Variants in HPS6 observed in about 807,000 individuals in gnomAD.
The protein encoded by HPS6 is BLOC-2 complex member HPS6.
HPS6 carries 46 observed loss-of-function variants against 53.6 expected under a neutral mutation model. The ratio of observed to expected loss-of-function variants is 0.86; its 90% CI spans 0.68 to 1.10. HPS6 has a LOEUF of 1.10. Among genes scored for constraint, HPS6 ranks in the 50% least tolerant of loss-of-function variants. The pLI is 0.00. For synonymous variants in HPS6, 535 were observed against 470.8 expected, an observed-to-expected ratio of 1.14 and a Z score of -1.77; for missense variants, 1,034 against 991.3, an observed-to-expected ratio of 1.04 and a Z score of -0.58.
Position 102,065,905 on chromosome 10 carries a change from G to T in HPS6, c.431G>T (p.Arg144Leu), listed in dbSNP as rs751248778. Residue 144 changes from arginine to leucine, a missense_variant, in exon 1 of 1, where the codon CGG (arginine) becomes CTG (leucine). By Grantham distance (102) the Arg-to-Leu change is moderately radical (BLOSUM62 -2). Transcript: ENST00000299238. ...LRGRLVWCEE[R>L]QARAEGPSGS... Reference sequence around the variant, plus strand: ...GGCCGCCTGGTGTGGTGCGAGGAGCGGCAGGCCCGGGCCGAGGGCCCGTCA... The same window carrying T: ...GGCCGCCTGGTGTGGTGCGAGGAGCTGCAGGCCCGGGCCGAGGGCCCGTCA... The T allele has an allele frequency of 1.9e-6, 3 of 1,541,752 alleles. No homozygotes were observed. The highest frequency in any genetic ancestry group is 2.4e-5 in the South Asian group (2 of 85,022).
Position 102,066,307 on chromosome 10 carries a change from A to G in HPS6, c.833A>G (p.Gln278Arg). 6.2e-7 allele frequency: 1 copy of G among 1,613,956 alleles called. No homozygotes were observed. ...GTACACACCTGGGCCCCAACTCCCCAGGGCCTGCTGTTGCTTGACTTCGGG... is the reference window on the plus strand; with the variant it reads ...GTACACACCTGGGCCCCAACTCCCCGGGGCCTGCTGTTGCTTGACTTCGGG... ...LAVHTWAPTP[Q>R]GLLLLDFGGT... is the part of the protein sequence containing the mutation. The change falls in exon 1 of 1, where the codon CAG becomes CGG. Residue 278 changes from glutamine to arginine, a missense_variant. Gln to Arg is a conservative substitution (Grantham distance 43). Transcript: ENST00000299238.
At position 102,065,624 on chromosome 10, in the gene HPS6, G is replaced by A. The variant is rs727503091; in HGVS notation, c.150G>A (p.Gly50=). 1.0e-5 allele frequency: 16 copies of A among 1,553,728 alleles called. No individual in the cohort carries two copies. The Middle Eastern group carries it at 1.7e-3, about 168-fold the overall frequency. ...GRHLLLLRPP[G]AVAPQLLVAS... ...ACTTGCTGCTCCTGCGACCCCCTGG[G>A]GCGGTAGCCCCACAGCTGCTAGTCG... Residue 50 remains glycine (G), a synonymous_variant, in exon 1 of 1, where the codon GGG becomes GGA. Transcript: ENST00000299238.
In HPS6 at chr10:102,065,546, G is replaced by C; in HGVS notation, c.72G>C (p.Glu24Asp). 1 of 1,549,948 alleles carries C rather than the reference G, an allele frequency of 6.5e-7. No individual in the cohort carries two copies. The highest frequency in any genetic ancestry group is 8.6e-7 in the Non-Finnish European group (1 of 1,159,664). Residue 24 changes from glutamate to aspartate, a missense_variant, in exon 1 of 1, where the codon GAG (glutamate) becomes GAC (aspartate). Transcript: ENST00000299238. The part of the protein sequence containing the change: ...SAFGGAARLR[E>D]LVAGDSAVRV... ...TCGGCGGCGCGGCGCGGCTCCGGGA[G>C]CTGGTGGCCGGGGACTCAGCGGTCC...
At position 102,066,527 on chromosome 10, in the gene HPS6, C is replaced by G; in HGVS notation, c.1053C>G (p.Asp351Glu). The G allele has an allele frequency of 6.2e-7, 1 of 1,614,188 alleles. No homozygotes were observed. Among genetic ancestry groups the G allele is most frequent in the Non-Finnish European group, 8.5e-7 (1 of 1,180,040 alleles). The change falls in exon 1 of 1, where the codon GAC becomes GAG. Residue 351 changes from aspartate (D) to glutamate (E), a missense_variant. Asp to Glu is a conservative substitution (Grantham distance 45, BLOSUM62 2). Coordinates refer to ENST00000299238, the MANE Select transcript of HPS6 (RefSeq NM_024747.6). Reference sequence around the variant, plus strand: ...TGGAGAGGAAGGTCCTAAGTACAGACAGGGTACATCTGCTAGAACCGCCAG... The same window carrying G: ...TGGAGAGGAAGGTCCTAAGTACAGAGAGGGTACATCTGCTAGAACCGCCAG... Reference protein sequence around the residue: ...QLLERKVLSTDRVHLLEPPAP... With the variant: ...QLLERKVLSTERVHLLEPPAP...
rs1220869113 is a variant in HPS6 at position 102,067,185 on chromosome 10, T to TAG, written c.1711_1712insAG (p.Cys571Ter). 1.9e-6 allele frequency: 3 copies of TAG among 1,613,182 alleles called. No homozygotes were observed. The highest frequency in any genetic ancestry group is 2.5e-6 in the Non-Finnish European group (3 of 1,179,920). ...GCCCCCCTTTGAACTCCTGTGCCAG[T>TAG]GTCTGTGCCAGCTGGAGCCTCGATG... ...ILPPFELLCQ[C>*]LCQLEPRWLP... The change falls in exon 1 of 1, where the codon TGT becomes TAGGT. Residue 571 changes from cysteine to a stop codon, truncating the protein, a stop_gained and frameshift_variant. Transcript: ENST00000299238. LOFTEE classifies it high-confidence loss of function.
In HPS6 at chr10:102,065,423, C is replaced by A. The variant is rs2067959681; in HGVS notation, c.-52C>A. ...CCCCCGAGAATCGGGCCTCGCCCTG[C>A]TGGGCGGCTGGACCTGGGCAAAGCC... On this transcript the variant is annotated 5_prime_UTR_variant, in exon 1 of 1. In the 5' UTR this introduces an upstream ATG that the reference lacks. Transcript: ENST00000299238. 5 of 1,507,132 alleles carry A rather than the reference C, an allele frequency of 3.3e-6. No individual in the cohort carries two copies. The Admixed American group carries it at 1.0e-4, about 32-fold the overall frequency. 93.4% of individuals were successfully genotyped at this position (1,507,132 alleles called of 1,614,324 possible).
chr10:102,065,860 T>C lies in HPS6; in HGVS notation c.386T>C (p.Val129Ala). The change falls in exon 1 of 1, where the codon GTG (valine) becomes GCG (alanine). Residue 129 changes from valine to alanine, a missense_variant. Physicochemically the swap from Val to Ala is moderately conservative, Grantham distance 64. Coordinates refer to ENST00000299238, the MANE Select transcript of HPS6 (RefSeq NM_024747.6). ...TGTCCGGGCGGGGGAGCCCGCGTTG[T>C]GGCAGTGGCGGCGCTCCGAGGCCGC... ...ELCPGGGARVVAVAALRGRLV... is the reference protein window; with the variant it reads ...ELCPGGGARVAAVAALRGRLV... The C allele has an allele frequency of 6.6e-7, 1 of 1,526,040 alleles. No homozygotes were observed. The highest frequency in any genetic ancestry group is 8.8e-7 in the Non-Finnish European group (1 of 1,142,402). The allele number at this position is 1,526,040 out of a possible 1,614,324, so 94.5% of individuals were successfully genotyped here.
In HPS6 at chr10:102,065,974, C is replaced by T. The variant is rs144738655; in HGVS notation, c.500C>T (p.Thr167Ile). 6.3e-6 allele frequency: 10 copies of T among 1,598,648 alleles called. No homozygotes were observed. The highest frequency in any genetic ancestry group is 7.6e-6 in the Non-Finnish European group (9 of 1,179,470). The change falls in exon 1 of 1, where the codon ACT becomes ATT. Residue 167 changes from threonine (T) to isoleucine (I), a missense_variant. Coordinates refer to ENST00000299238, the MANE Select transcript of HPS6 (RefSeq NM_024747.6). ...TTCAGCCACTGTGTGTGCGTCCGGA[C>T]TCTGGAGCCCAGCGGGGAAGCTAGC... The part of the protein sequence containing the change: ...AAFSHCVCVR[T>I]LEPSGEASTS...
In HPS6 at chr10:102,065,750, G is replaced by A. The variant is rs980864848; in HGVS notation, c.276G>A (p.Leu92=). ...FFLPWPARPA[L]VLVWESGLAE... ...TGCCGTGGCCAGCGCGGCCGGCGCT[G>A]GTGCTGGTGTGGGAGAGTGGCCTGG... Residue 92 remains leucine (L), a synonymous_variant, in exon 1 of 1, where the codon CTG becomes CTA. Transcript: ENST00000299238. 1 of 1,501,558 alleles carries A rather than the reference G, an allele frequency of 6.7e-7. No individual in the cohort carries two copies. Among genetic ancestry groups the A allele is most frequent in the Non-Finnish European group, 8.8e-7 (1 of 1,133,206 alleles). The allele number at this position is 1,501,558 out of a possible 1,614,324, so 93.0% of individuals were successfully genotyped here. A position where few individuals can be genotyped will look rare whatever the true frequency, so the allele number is the denominator to read the frequency against.
Position 102,066,575 on chromosome 10 carries a change from A to C in HPS6, c.1101A>C (p.Glu367Asp). 6.2e-7 allele frequency: 1 copy of C among 1,614,112 alleles called. No individual in the cohort carries two copies. The highest frequency in any genetic ancestry group is 8.5e-7 in the Non-Finnish European group (1 of 1,180,032). The part of the protein sequence containing the change: ...EPPAPGMEDE[E>D]ELETRGNLRL... ...CAGCCCCCGGCATGGAGGATGAGGA[A>C]GAGCTGGAGACCCGAGGGAATCTTC... The change falls in exon 1 of 1, where the codon GAA (glutamate) becomes GAC (aspartate). Residue 367 changes from glutamate to aspartate, a missense_variant. By Grantham distance (45) the Glu-to-Asp change is conservative. Coordinates refer to ENST00000299238, the MANE Select transcript of HPS6 (RefSeq NM_024747.6).
At position 102,065,593 on chromosome 10, in the gene HPS6, G is replaced by C. The variant is rs1227939763; in HGVS notation, c.119G>C (p.Gly40Ala). Residue 40 changes from glycine to alanine, a missense_variant, in exon 1 of 1, where the codon GGC becomes GCC. Physicochemically the swap from Gly to Ala is moderately conservative, Grantham distance 60 (BLOSUM62 0). Transcript: ENST00000299238. The part of the protein sequence containing the change: ...SAVRVRGSPD[G>A]RHLLLLRPPG... ...GTCCGAGTCCGTGGCAGTCCGGACG[G>C]CCGCCACTTGCTGCTCCTGCGACCC... 1.3e-6 allele frequency: 2 copies of C among 1,543,034 alleles called. No individual in the cohort carries two copies. Among genetic ancestry groups the C allele is most frequent in the East Asian group, 2.5e-5 (1 of 39,776 alleles).
chr10:102,065,889 G>A lies in HPS6; in HGVS notation c.415G>A (p.Val139Met), dbSNP rs1342244766. The change falls in exon 1 of 1, where the codon GTG (valine) becomes ATG (methionine). Residue 139 changes from valine (V) to methionine (M), a missense_variant. Physicochemically the swap from Val to Met is conservative, Grantham distance 21. Coordinates refer to ENST00000299238, the MANE Select transcript of HPS6 (RefSeq NM_024747.6). ...AGTGGCGGCGCTCCGAGGCCGCCTG[G>A]TGTGGTGCGAGGAGCGGCAGGCCCG... is the stretch of plus-strand genomic sequence containing the variant. Reference protein sequence around the residue: ...VAVAALRGRLVWCEERQARAE... With the variant: ...VAVAALRGRLMWCEERQARAE... The A allele has an allele frequency of 7.8e-6, 12 of 1,538,690 alleles. No homozygotes were observed. The highest frequency in any genetic ancestry group is 1.0e-5 in the Non-Finnish European group (12 of 1,148,892).
Position 102,065,632 on chromosome 10 carries a change from C to T in HPS6, c.158C>T (p.Ala53Val). The T allele has an allele frequency of 6.4e-7, 1 of 1,551,258 alleles. No individual in the cohort carries two copies. Among genetic ancestry groups the T allele is most frequent in the Non-Finnish European group, 8.6e-7 (1 of 1,160,272 alleles). Residue 53 changes from alanine (A) to valine (V), a missense_variant, in exon 1 of 1, where the codon GCC becomes GTC. Coordinates refer to ENST00000299238, the MANE Select transcript of HPS6 (RefSeq NM_024747.6). ...LLLLRPPGAVAPQLLVASRGP... is the reference protein window; with the variant it reads ...LLLLRPPGAVVPQLLVASRGP... ...CTCCTGCGACCCCCTGGGGCGGTAG[C>T]CCCACAGCTGCTAGTCGCGTCGCGA... is the stretch of plus-strand genomic sequence containing the variant.
Position 102,067,300 on chromosome 10 carries a change from T to C in HPS6, c.1826T>C (p.Leu609Pro). The C allele has an allele frequency of 6.2e-7, 1 of 1,613,194 alleles. No individual in the cohort carries two copies. The highest frequency in any genetic ancestry group is 1.1e-5 in the South Asian group (1 of 91,080). The change falls in exon 1 of 1, where the codon CTG becomes CCG. Residue 609 changes from leucine (L) to proline (P), a missense_variant. Transcript: ENST00000299238. ...GPGLPLYRRA[L>P]AVLGEEGTRP... is the part of the protein sequence containing the mutation. ...GGACTGCCCCTGTATCGCCGAGCTC[T>C]GGCAGTGCTAGGTGAGGAGGGGACC...
Position 102,066,890 on chromosome 10 carries a change from G to C in HPS6, c.1416G>C (p.Leu472=). The C allele has an allele frequency of 6.2e-7, 1 of 1,614,208 alleles. No homozygotes were observed. Among genetic ancestry groups the C allele is most frequent in the Non-Finnish European group, 8.5e-7 (1 of 1,180,026 alleles). ...GCTTAGAACAGCTGAAGGCCCAGCT[G>C]GTGGCTGGGGATGATGAGGAGGCTG... is the stretch of plus-strand genomic sequence containing the variant. ...YRGLEQLKAQ[L]VAGDDEEAGW... The change falls in exon 1 of 1, where the codon CTG becomes CTC. Residue 472 remains leucine, a synonymous_variant. Coordinates refer to ENST00000299238, the MANE Select transcript of HPS6 (RefSeq NM_024747.6).
Position 102,067,531 on chromosome 10 carries a change from C to T in HPS6, c.2057C>T (p.Ala686Val). Residue 686 changes from alanine to valine, a missense_variant, in exon 1 of 1, where the codon GCT becomes GTT. Ala to Val is a moderately conservative substitution (Grantham distance 64). Coordinates refer to ENST00000299238, the MANE Select transcript of HPS6 (RefSeq NM_024747.6). ...AEFAQHRRLD[A>V]HLPLLCRLCP... ...TTTGCCCAGCACCGCCGGCTTGATG[C>T]TCACCTCCCCCTCCTTTGCCGCCTG... 2 of 1,613,660 alleles carry T rather than the reference C, an allele frequency of 1.2e-6. No homozygotes were observed.
chr10:102,065,685 T>TGGCC lies in HPS6; in HGVS notation c.220_223dup (p.Gln75ArgfsTer102), dbSNP rs1373031209. 7.2e-6 allele frequency: 11 copies of TGGCC among 1,521,544 alleles called. No individual in the cohort carries two copies. Among genetic ancestry groups the TGGCC allele is most frequent in the Non-Finnish European group, 9.6e-6 (11 of 1,144,328 alleles). 94.3% of individuals were successfully genotyped at this position (1,521,544 alleles called of 1,614,324 possible). On this transcript the variant is annotated frameshift_variant, in exon 1 of 1. Coordinates refer to ENST00000299238, the MANE Select transcript of HPS6 (RefSeq NM_024747.6). LOFTEE classifies it high-confidence loss of function. ...GCCCGGCGCGGAGCTAGAGCGGGCC[T>TGGCC]GGCCGGCCGGCCAGCCCTCCCCGCT...
Position 102,065,939 on chromosome 10 carries a change from A to G in HPS6, c.465A>G (p.Pro155=), listed in dbSNP as rs1315338200. The change falls in exon 1 of 1, where the codon CCA becomes CCG. Residue 155 remains proline (P), a synonymous_variant. Transcript: ENST00000299238. ...GGGCCGAGGGCCCGTCAGGGTCGCCAGCAGCCGCTTTCAGCCACTGTGTGT... is the reference window on the plus strand; with the variant it reads ...GGGCCGAGGGCCCGTCAGGGTCGCCGGCAGCCGCTTTCAGCCACTGTGTGT... ...QARAEGPSGS[P]AAAFSHCVCV... is the part of the protein sequence containing the mutation. The G allele has an allele frequency of 4.8e-5, 75 of 1,577,534 alleles. No homozygotes were observed. Among genetic ancestry groups the G allele is most frequent in the Non-Finnish European group, 6.4e-5 (75 of 1,171,326 alleles).
In HPS6 at chr10:102,067,149, A is replaced by G; in HGVS notation, c.1675A>G (p.Asn559Asp). The G allele has an allele frequency of 6.2e-7, 1 of 1,613,812 alleles. No homozygotes were observed. Among genetic ancestry groups the G allele is most frequent in the Non-Finnish European group, 8.5e-7 (1 of 1,180,014 alleles). ...AATAACCGCTGGAAAGGAACCCCCCAATGGAATACTGCCCCCCTTTGAACT... is the reference window on the plus strand; with the variant it reads ...AATAACCGCTGGAAAGGAACCCCCCGATGGAATACTGCCCCCCTTTGAACT... ...GGITAGKEPP[N>D]GILPPFELLC... The change falls in exon 1 of 1, where the codon AAT becomes GAT. Residue 559 changes from asparagine (N) to aspartate (D), a missense_variant. Transcript: ENST00000299238.
Sources: allele counts gnomAD v4.1 joint callset, GRCh38; gene constraint gnomAD v4.1.1; transcripts MANE v1.5; gene names NCBI Gene and HGNC (gene_info 2026-07-23, HGNC 2026-07-21).